TSPAN18: variants seen among roughly 807,000 people sequenced by gnomAD.
The protein encoded by TSPAN18 is tetraspanin 18.
TSPAN18 carries 14 observed loss-of-function variants against 27.3 expected under a neutral mutation model. The ratio of observed to expected loss-of-function variants is 0.51; its 90% CI spans 0.34 to 0.80. The LOEUF (loss-of-function observed/expected upper bound fraction) is 0.80. Ranked by LOEUF, TSPAN18 falls within the 30% of genes least tolerant of loss-of-function variation. The pLI, the probability that TSPAN18 is intolerant of heterozygous loss-of-function variation, is 0.01. For missense variants in TSPAN18, 268 were observed against 323.9 expected (o/e 0.83, Z 1.32); for synonymous variants, 143 against 136.5 (o/e 1.05, Z -0.33).
At chr11:44,841,534 A>G (rs1285597190) in intron 2 of TSPAN18, among the ~76,000 whole-genome samples, 2 of 151,542 alleles carry the variant, frequency 1.3e-5, no homozygotes, top group African/African-American at 4.8e-5. Context: ...AAAAGACTGC[A>G]TGTTGTAATA....
chr11:44,907,406 T>G (rs1412644230), intron 4 of TSPAN18, among the ~76,000 whole-genome samples: 1 of 152,256 alleles, frequency 6.6e-6, no homozygotes, highest in Non-Finnish European at 1.5e-5. Context: ...GTCCTCTTTC[T>G]GGCCAGGACT....
Position 44,909,785 on chromosome 11 carries a change from T to C in TSPAN18, c.144T>C (p.Asn48=), listed in dbSNP as rs1189726972. 6.2e-7 allele frequency: 1 copy of C among 1,613,964 alleles called. No individual in the cohort carries two copies. Among genetic ancestry groups the C allele is most frequent in the Non-Finnish European group, 8.5e-7 (1 of 1,179,990 alleles). Residue 48 remains asparagine, a synonymous_variant, in exon 5 of 10, where the codon AAT becomes AAC. Transcript: ENST00000520358. ...PTGFREIVAA[N]PLLLTGAYIL... ...GCTTCCGGGAGATCGTGGCTGCCAATCCTCTGCTCCTCACGGGCGCCTACA... is the reference window on the plus strand; with the variant it reads ...GCTTCCGGGAGATCGTGGCTGCCAACCCTCTGCTCCTCACGGGCGCCTACA...
intron 3 of TSPAN18, among the ~76,000 whole-genome samples, chr11:44,869,121 G>A (rs1405518314): frequency 2.0e-5 from 3 of 152,316 alleles, no homozygotes; most frequent in East Asian, 1.9e-4. Flanking sequence ...TTTAACTCTC[G>A]AAGAAAGTGA....
chr11:44,830,930 A>G (rs1590545592), intron 2 of TSPAN18, among the ~76,000 whole-genome samples: 1 of 152,264 alleles, frequency 6.6e-6, no homozygotes, highest in African/African-American at 2.4e-5. Context: ...AAAATTACCA[A>G]GCTAATTCAC....
intron 1 of TSPAN18, among the ~76,000 whole-genome samples, chr11:44,759,248 AG>A (rs1855396883): frequency 6.6e-6 from 1 of 152,212 alleles, no homozygotes; most frequent in South Asian, 2.1e-4. Flanking sequence ...GGGTCAGCAA[AG>A]GCCAAGACAA....
At chr11:44,922,762 G>A (rs1860190943) in intron 8 of TSPAN18, among the ~76,000 whole-genome samples, 1 of 152,214 alleles carries the variant, frequency 6.6e-6, no homozygotes, top group Admixed American at 6.5e-5. Flanking sequence ...CTGAGTGACT[G>A]GCTTCTGGTT....
intron 1 of TSPAN18, among the ~76,000 whole-genome samples, chr11:44,745,506 A>G (rs1434349465): frequency 6.6e-6 from 1 of 152,234 alleles, no homozygotes; most frequent in Non-Finnish European, 1.5e-5. Context: ...AAAGTCAGCA[A>G]GAGAATCTAA....
chr11:44,846,605 T>TG (rs60811604), intron 2 of TSPAN18, among the ~76,000 whole-genome samples: 77,149 of 151,450 alleles, frequency 0.51, 20,012 homozygotes, highest in East Asian at 0.75. Flanking sequence ...TGTGTGTGTG[T>TG]TTGTGTGTGT....
At chr11:44,857,328 G>A (rs1857763896) in intron 2 of TSPAN18, among the ~76,000 whole-genome samples, 2 of 152,232 alleles carry the variant, frequency 1.3e-5, no homozygotes. Flanking sequence ...AAGGCTCAGA[G>A]AGGTGGGTTG....
intron 2 of TSPAN18, among the ~76,000 whole-genome samples, chr11:44,846,736 A>G (rs369002479): frequency 1.4e-4 from 21 of 152,288 alleles, no homozygotes; most frequent in African/African-American, 5.1e-4. Flanking sequence ...CAGGGGAAAT[A>G]CAGCCTCTCC....
At chr11:44,904,399 C>T (rs527713656) in intron 3 of TSPAN18, among the ~76,000 whole-genome samples, 3 of 152,228 alleles carry the variant, frequency 2.0e-5, no homozygotes, top group Non-Finnish European at 4.4e-5. Context: ...AATCCAAAGC[C>T]GATGTGCCTG....
chr11:44,756,515 T>C (rs1388583897), intron 1 of TSPAN18, among the ~76,000 whole-genome samples: 2 of 152,182 alleles, frequency 1.3e-5, no homozygotes, highest in African/African-American at 4.8e-5. Context: ...TCTCCATAAC[T>C]CTTTTTATTT....
intron 3 of TSPAN18, among the ~76,000 whole-genome samples, chr11:44,866,529 C>T (rs1387630431): frequency 6.6e-6 from 1 of 152,188 alleles, no homozygotes; most frequent in Admixed American, 6.5e-5. Flanking sequence ...CAGCTGTGGT[C>T]TTTGGTTGCA....
intron 1 of TSPAN18, among the ~76,000 whole-genome samples, chr11:44,732,219 C>G (rs897614242): frequency 1.3e-5 from 2 of 152,256 alleles, no homozygotes; most frequent in African/African-American, 4.8e-5. Context: ...TCATCTTGTT[C>G]CAGCAAGGCT....
chr11:44,878,110 G>T (rs1252052572), intron 3 of TSPAN18, among the ~76,000 whole-genome samples: 5 of 151,906 alleles, frequency 3.3e-5, no homozygotes, highest in Non-Finnish European at 4.4e-5. Flanking sequence ...CATGCTTCCG[G>T]CCCCACTGAC....
chr11:44,749,016 G>A (rs1483366565), intron 1 of TSPAN18, among the ~76,000 whole-genome samples: 1 of 152,202 alleles, frequency 6.6e-6, no homozygotes, highest in Non-Finnish European at 1.5e-5. Context: ...GCATGGTGAG[G>A]CTAGGTAAGT....
rs1353482175 is a variant in TSPAN18 at position 44,931,706 on chromosome 11, A to G, written c.*2528A>G. The G allele has an allele frequency of 6.6e-6, 1 of 152,244 alleles. No individual in the cohort carries two copies. 9.4% of individuals were successfully genotyped at this position (152,244 alleles called of 1,614,324 possible). ...CCATTCCTTGGAGGCAAGGCAAAGA[A>G]AGCTCAGCCCAAATCAGGCTTGAGC... On this transcript the variant is annotated 3_prime_UTR_variant, in exon 10 of 10. Coordinates refer to ENST00000520358, the MANE Select transcript of TSPAN18 (RefSeq NM_130783.5).
At chr11:44,858,309 C>T (rs1320671503) in intron 2 of TSPAN18, among the ~76,000 whole-genome samples, 3 of 152,232 alleles carry the variant, frequency 2.0e-5, no homozygotes, top group Non-Finnish European at 4.4e-5. Flanking sequence ...ACACCCATAT[C>T]TGCCCCCTCC....
chr11:44,792,089 T>C (rs1856238885), intron 2 of TSPAN18, among the ~76,000 whole-genome samples: 2 of 152,128 alleles, frequency 1.3e-5, no homozygotes, highest in African/African-American at 4.8e-5. Context: ...TTATAGACAG[T>C]ATTTGTTTGT....
Sources: gnomAD v4.1 joint callset for allele counts (sites outside exome capture counted in the v4.1 genomes callset) on GRCh38, gnomAD v4.1.1 for gene constraint, MANE v1.5 for transcripts, NCBI Gene and HGNC (gene_info 2026-07-23, HGNC 2026-07-21) for gene names.